The following MRPS9 variants were observed in gnomAD, a reference collection of about 807,000 sequenced individuals.
MRPS9 encodes the protein mitochondrial ribosomal protein S9.
In MRPS9, 45 loss-of-function variants were observed where a neutral mutation model predicts 59.9. That is an observed-to-expected ratio of 0.75 (90% CI 0.59 to 0.96). The LOEUF is 0.96. Among genes scored for constraint, MRPS9 ranks in the 40% least tolerant of loss-of-function variants. The pLI is 0.00. For missense variants in MRPS9, 473 were observed against 481.1 expected (o/e 0.98, Z 0.16); for synonymous variants, 171 against 166.8 (o/e 1.03, Z -0.19).
intron 1 of MRPS9, among the ~76,000 whole-genome samples, chr2:105,042,902 C>T (rs796121849): frequency 6.6e-6 from 1 of 152,170 alleles, no homozygotes; most frequent in South Asian, 2.1e-4. Flanking sequence ...CTCCACAGAT[C>T]CATCAACCAG....
At chr2:105,079,939 C>T (rs752880498) in intron 4 of MRPS9, 44 bp from the exon 5 acceptor site, 3 of 1,434,372 alleles carry the variant, frequency 2.1e-6, no homozygotes. Flanking sequence ...TGGTCTGTCT[C>T]TGTGTATATT....
chr2:105,090,797 C>A (rs867739644), intron 7 of MRPS9, among the ~76,000 whole-genome samples: 3 of 152,150 alleles, frequency 2.0e-5, no homozygotes, highest in African/African-American at 7.2e-5. Flanking sequence ...TCTTTGATGG[C>A]GGTGGCTAAC....
At position 105,049,342 on chromosome 2, in the gene MRPS9, G is replaced by T. The variant is rs1338314667; in HGVS notation, c.307G>T (p.Asp103Tyr). Reference protein sequence around the residue: ...GEDPETFTQEDIDRAIAYLFP... With the variant: ...GEDPETFTQEYIDRAIAYLFP... ...AGATCCAGAAACTTTCACTCAAGAA[G>T]ATATTGACGTAAGTACAGTTACTCT... Residue 103 changes from aspartate (D) to tyrosine (Y), a missense_variant, in exon 2 of 11, where the codon GAT (aspartate) becomes TAT (tyrosine). Coordinates refer to ENST00000258455, the MANE Select transcript of MRPS9 (RefSeq NM_182640.3). The T allele has an allele frequency of 6.2e-7, 1 of 1,609,910 alleles. No individual in the cohort carries two copies. The highest frequency in any genetic ancestry group is 8.5e-7 in the Non-Finnish European group (1 of 1,178,898).
chr2:105,091,626 AACAT>A (rs1278660908), intron 7 of MRPS9, among the ~76,000 whole-genome samples: 2 of 152,230 alleles, frequency 1.3e-5, no homozygotes, highest in East Asian at 3.8e-4. Flanking sequence ...GCCGACAAAA[AACAT>A]AAATAAGGTT....
Position 105,072,877 on chromosome 2 carries a change from A to G in MRPS9, c.409+1388A>G, listed in dbSNP as rs1172547022. ...TTGAATCTTTTTATAAATATGCTCT[A>G]TCATTTGTATTCCCTCAGTTCTTAA... On this transcript the variant is annotated intron_variant, in intron 4 of 10. Coordinates refer to ENST00000258455, the MANE Select transcript of MRPS9 (RefSeq NM_182640.3). Among the ~76,000 whole-genome samples the G allele has an allele frequency of 3.9e-5, 6 of 152,194 alleles. No individual in the cohort carries two copies. In the South Asian group the frequency reaches 8.3e-4, roughly 21 times the overall value.
chr2:105,084,247 AAT>A (rs58438490), intron 5 of MRPS9, among the ~76,000 whole-genome samples: 3,755 of 139,482 alleles, frequency 0.027, 210 homozygotes, highest in African/African-American at 0.09. Context: ...TATATACCAA[AAT>A]ATATATATAT....
At chr2:105,061,469 CAA>C (rs1335852036) in intron 2 of MRPS9, among the ~76,000 whole-genome samples, 2 of 152,148 alleles carry the variant, frequency 1.3e-5, no homozygotes, top group Non-Finnish European at 2.9e-5. Flanking sequence ...ACTCCAGTGA[CAA>C]GAGACAGCAG....
chr2:105,060,936 C>G (rs535919203), intron 2 of MRPS9, among the ~76,000 whole-genome samples: 4 of 151,384 alleles, frequency 2.6e-5, no homozygotes, highest in South Asian at 4.2e-4. Context: ...ACCGTGAAAC[C>G]CTGTCTCTAC....
intron 2 of MRPS9, among the ~76,000 whole-genome samples, chr2:105,063,253 G>A (rs946764243): frequency 1.3e-5 from 2 of 152,086 alleles, no homozygotes; most frequent in Admixed American, 6.5e-5. Context: ...GCTCTCCTGG[G>A]CAACATAGTA....
intron 4 of MRPS9, 89 bp downstream of exon 4, chr2:105,071,578 G>C: frequency 3.1e-6 from 4 of 1,286,828 alleles, no homozygotes; most frequent in Non-Finnish European, 4.4e-6. Flanking sequence ...ACATATCGTA[G>C]GGTGGCCTTC....
At chr2:105,087,616 C>T (rs373705113) in intron 5 of MRPS9, among the ~76,000 whole-genome samples, 1 of 152,106 alleles carries the variant, frequency 6.6e-6, no homozygotes, top group Admixed American at 6.5e-5. Context: ...TTCTACTACG[C>T]TTAATGAAAA....
intron 1 of MRPS9, among the ~76,000 whole-genome samples, chr2:105,038,784 A>G (rs909909760): frequency 2.0e-5 from 3 of 152,208 alleles, no homozygotes; most frequent in African/African-American, 7.2e-5. Flanking sequence ...TGGGGAGTCA[A>G]CAGCTGGATG....
intron 2 of MRPS9, among the ~76,000 whole-genome samples, chr2:105,055,652 G>A (rs1679778992): frequency 1.3e-5 from 2 of 151,994 alleles, no homozygotes; most frequent in East Asian, 3.9e-4. Context: ...CACCTGAGTA[G>A]ATGTAAAAGC....
Position 105,080,000 on chromosome 2 carries a change from G to A in MRPS9, c.427G>A (p.Asp143Asn), listed in dbSNP as rs1680296669. ...TAAATCAGCAATCCAGTGGGGAGAA[G>A]ATGGCCGTCCATTTCACTATCTCTT... ...PRQRAIQWGE[D>N]GRPFHYLFYT... is the part of the protein sequence containing the mutation. Residue 143 changes from aspartate to asparagine, a missense_variant, in exon 5 of 11, where the codon GAT (aspartate) becomes AAT (asparagine). Coordinates refer to ENST00000258455, the MANE Select transcript of MRPS9 (RefSeq NM_182640.3). 2 of 1,611,494 alleles carry A rather than the reference G, an allele frequency of 1.2e-6. No individual in the cohort carries two copies. The highest frequency in any genetic ancestry group is 2.2e-5 in the South Asian group (2 of 90,786).
chr2:105,038,265 C>G, intron 1 of MRPS9, 38 bp downstream of exon 1: 1 of 1,590,444 alleles, frequency 6.3e-7, no homozygotes, highest in Non-Finnish European at 8.6e-7. Context: ...TTACCTCTGC[C>G]GCGCGAGGAT....
intron 2 of MRPS9, among the ~76,000 whole-genome samples, chr2:105,067,692 T>C (rs1383343091): frequency 6.6e-6 from 1 of 152,192 alleles, no homozygotes; most frequent in Non-Finnish European, 1.5e-5. Flanking sequence ...TTTTATAACA[T>C]ATTGTTCTGT....
intron 5 of MRPS9, among the ~76,000 whole-genome samples, chr2:105,088,566 T>C (rs1680494765): frequency 9.2e-5 from 14 of 152,154 alleles, no homozygotes; most frequent in Admixed American, 9.2e-4. Context: ...CGTAAGTATC[T>C]ATAAATACCA....
intron 5 of MRPS9, among the ~76,000 whole-genome samples, chr2:105,083,936 A>G (rs529031770): frequency 5.9e-5 from 9 of 152,290 alleles, no homozygotes; most frequent in African/African-American, 2.2e-4. Flanking sequence ...AAAACTCTAT[A>G]TATTGTCATT....
chr2:105,082,400 C>T (rs1399704221), intron 5 of MRPS9, among the ~76,000 whole-genome samples: 1 of 152,146 alleles, frequency 6.6e-6, no homozygotes, highest in Non-Finnish European at 1.5e-5. Flanking sequence ...TGAGGAGACC[C>T]TTCTGATGCC....
Sources: gnomAD v4.1 joint callset for allele counts (sites outside exome capture counted in the v4.1 genomes callset) on GRCh38, gnomAD v4.1.1 for gene constraint, MANE v1.5 for transcripts, NCBI Gene and HGNC (gene_info 2026-07-23, HGNC 2026-07-21) for gene names.